The following PPP1R12B variants were observed in gnomAD, a reference collection of about 807,000 sequenced individuals.
PPP1R12B encodes the protein protein phosphatase 1 regulatory subunit 12B, also known as myosin phosphatase target subunit 2.
PPP1R12B carries 76 observed loss-of-function variants against 126.1 expected under a neutral mutation model. That is an observed-to-expected ratio of 0.60 (90% CI 0.50 to 0.73). The LOEUF (loss-of-function observed/expected upper bound fraction) is 0.73. Ranked by LOEUF, PPP1R12B falls within the 30% of genes least tolerant of loss-of-function variation. The probability of loss-of-function intolerance (pLI) is 0.00; values close to 1 mark genes in which losing one functional copy is unlikely to be tolerated. For missense variants in PPP1R12B, 1,052 were observed against 1,205.1 expected (o/e 0.87, Z 1.88); for synonymous variants, 356 against 434.7 (o/e 0.82, Z 2.25).
chr1:202,423,011 C>G (rs1449580196), intron 3 of PPP1R12B, among the ~76,000 whole-genome samples: 1 of 152,146 alleles, frequency 6.6e-6, no homozygotes, highest in Non-Finnish European at 1.5e-5. Context: ...CTGATGAGGA[C>G]TGTGTGTATG....
intron 13 of PPP1R12B, among the ~76,000 whole-genome samples, chr1:202,478,031 G>A (rs765289624): frequency 6.6e-6 from 1 of 152,198 alleles, no homozygotes; most frequent in Non-Finnish European, 1.5e-5. Flanking sequence ...TGTTTTGTGA[G>A]ACTGTATCTG....
chr1:202,553,205 C>T (rs937804459), intron 18 of PPP1R12B, among the ~76,000 whole-genome samples: 1 of 152,204 alleles, frequency 6.6e-6, no homozygotes, highest in South Asian at 2.1e-4. Context: ...TTTACCTCTA[C>T]TCTACAATGT....
Position 202,585,923 on chromosome 1 carries a change from C to A in PPP1R12B, c.*5363C>A, listed in dbSNP as rs1689786789. ...TCCTCAACCACCTTTCCTCAGCTTT[C>A]TTAAAATGGGATCTACATTGGCTCT... On this transcript the variant is annotated 3_prime_UTR_variant, in exon 24 of 24. Coordinates refer to ENST00000608999, the MANE Select transcript of PPP1R12B (RefSeq NM_002481.4). The A allele has an allele frequency of 6.6e-6, 1 of 152,192 alleles. No individual in the cohort carries two copies. Among genetic ancestry groups the A allele is most frequent in the Non-Finnish European group, 1.5e-5 (1 of 68,034 alleles). 9.4% of individuals were successfully genotyped at this position (152,192 alleles called of 1,614,324 possible).
At chr1:202,483,516 C>T (rs1164809266) in intron 13 of PPP1R12B, among the ~76,000 whole-genome samples, 1 of 151,890 alleles carries the variant, frequency 6.6e-6, no homozygotes, top group Non-Finnish European at 1.5e-5. Flanking sequence ...TTGGTGGGAA[C>T]GACGGTTACA....
intron 13 of PPP1R12B, among the ~76,000 whole-genome samples, chr1:202,487,104 C>T (rs1282027638): frequency 6.6e-6 from 1 of 151,968 alleles, no homozygotes; most frequent in Non-Finnish European, 1.5e-5. Flanking sequence ...CCAAGTTGAG[C>T]TTGTCCCAAG....
chr1:202,505,291 A>T (rs1235328658), intron 18 of PPP1R12B, among the ~76,000 whole-genome samples: 2 of 152,196 alleles, frequency 1.3e-5, no homozygotes, highest in African/African-American at 4.8e-5. Context: ...TTTTATGCCT[A>T]AATAACCCAT....
At chr1:202,368,214 G>T (rs1274728906) in intron 1 of PPP1R12B, among the ~76,000 whole-genome samples, 3 of 151,984 alleles carry the variant, frequency 2.0e-5, no homozygotes, top group African/African-American at 7.3e-5. Context: ...CAGGTGATCT[G>T]CCTCCCTCGG....
At chr1:202,378,085 G>A (rs1217937568) in intron 1 of PPP1R12B, among the ~76,000 whole-genome samples, 2 of 151,698 alleles carry the variant, frequency 1.3e-5, no homozygotes, top group Non-Finnish European at 2.9e-5. Context: ...TGATCCGCCC[G>A]CCTCAGCCTC....
chr1:202,525,784 G>A (rs191865445), intron 18 of PPP1R12B, among the ~76,000 whole-genome samples: 25 of 152,038 alleles, frequency 1.6e-4, no homozygotes, highest in African/African-American at 3.9e-4. Context: ...TGCAGCCTAC[G>A]CCTCCCAGGT....
intron 12 of PPP1R12B, chr1:202,443,098 T>C (rs1671836308): frequency 1.0e-5 from 10 of 984,246 alleles, no homozygotes; most frequent in Non-Finnish European, 1.2e-5. Context: ...TCCATCAAGA[T>C]GTGAAACTCG....
chr1:202,561,717 A>G (rs1687551311), intron 19 of PPP1R12B, among the ~76,000 whole-genome samples: 2 of 152,220 alleles, frequency 1.3e-5, no homozygotes, highest in Admixed American at 1.3e-4. Context: ...AGAAGAAGAA[A>G]AAGAATGTTT....
intron 12 of PPP1R12B, 59 bp downstream of exon 12, chr1:202,442,631 A>C: frequency 6.6e-7 from 1 of 1,506,860 alleles, no homozygotes; most frequent in East Asian, 2.3e-5. Context: ...GGAAATGGGT[A>C]ATGATTGTAT....
chr1:202,559,592 GTTGGAATCTTTCTT>G (rs1446428811), intron 19 of PPP1R12B, among the ~76,000 whole-genome samples: 3 of 152,154 alleles, frequency 2.0e-5, no homozygotes, highest in Non-Finnish European at 2.9e-5. Context: ...AGAGCCAAAA[GTTGGAATCTTTCTT>G]TTTCTACTGT....
intron 23 of PPP1R12B, among the ~76,000 whole-genome samples, chr1:202,573,787 C>T (rs1034414941): frequency 6.6e-6 from 1 of 152,118 alleles, no homozygotes; most frequent in Non-Finnish European, 1.5e-5. Context: ...CACTGACAGG[C>T]AGAAAGGGCT....
rs1688920329 is a variant in PPP1R12B at position 202,574,602 on chromosome 1, G to A, written c.2862+5405G>A. ...GCAGCTAGATTTAAGAACACACCAA[G>A]TCCTCAGCTCTAATCTCAGTCATGA... On this transcript the variant is annotated intron_variant, in intron 23 of 23. Coordinates refer to ENST00000608999, the MANE Select transcript of PPP1R12B (RefSeq NM_002481.4). Among the ~76,000 whole-genome samples, 7 of 152,190 alleles carry A rather than the reference G, an allele frequency of 4.6e-5. No individual in the cohort carries two copies. In the South Asian group the frequency reaches 1.5e-3, roughly 32 times the overall value.
chr1:202,468,310 C>T (rs1675333271), intron 13 of PPP1R12B, among the ~76,000 whole-genome samples: 1 of 152,142 alleles, frequency 6.6e-6, no homozygotes, highest in African/African-American at 2.4e-5. Context: ...ATGCCTATGT[C>T]CTGAATGGTA....
chr1:202,453,417 T>G (rs867204827), intron 13 of PPP1R12B, among the ~76,000 whole-genome samples: 5 of 152,310 alleles, frequency 3.3e-5, no homozygotes, highest in Middle Eastern at 3.4e-3. Context: ...TTTTGATGTG[T>G]CTTTGTCTGA....
rs566952746 is a variant in PPP1R12B, at chr1:202,549,534, C to T, written c.2491-9343C>T. ...TTCCGGATTCATGCCATTCTCCTGC[C>T]TCAGCCTCCCGAGTAGCTGGGACTA... On this transcript the variant is annotated intron_variant, in intron 18 of 23. Transcript: ENST00000608999. Among the ~76,000 whole-genome samples, 749 of 152,032 alleles carry T rather than the reference C, an allele frequency of 4.9e-3. 10 individuals carry two copies. Among genetic ancestry groups the T allele is most frequent in the African/African-American group, 0.016 (682 of 41,456 alleles).
At position 202,590,368 on chromosome 1, in the gene PPP1R12B, G is replaced by A. The variant is rs1162883102; in HGVS notation, c.*9808G>A. 1 of 151,666 alleles carries A rather than the reference G, an allele frequency of 6.6e-6. No homozygotes were observed. Among genetic ancestry groups the A allele is most frequent in the East Asian group, 2.0e-4 (1 of 5,100 alleles). 9.4% of individuals were successfully genotyped at this position (151,666 alleles called of 1,614,324 possible). A position where few individuals can be genotyped will look rare whatever the true frequency, so the allele number is the denominator to read the frequency against. ...GGCATGTGTTCTCAGGAGATGTGTG[G>A]GCCCCAGCACCCACCAGAGTGCCAA... is the stretch of plus-strand genomic sequence containing the variant. On this transcript the variant is annotated 3_prime_UTR_variant, in exon 24 of 24. Coordinates refer to ENST00000608999, the MANE Select transcript of PPP1R12B (RefSeq NM_002481.4).
Sources: allele counts gnomAD v4.1 joint callset (sites outside exome capture counted in the v4.1 genomes callset), GRCh38; gene constraint gnomAD v4.1.1; transcripts MANE v1.5; gene names NCBI Gene and HGNC (gene_info 2026-07-23, HGNC 2026-07-21).